Variants in GRSF1 observed in about 807,000 individuals in gnomAD.
GRSF1 encodes the protein G-rich RNA sequence binding factor 1.
In GRSF1, 50 loss-of-function variants were observed where a neutral mutation model predicts 51.1. The observed-to-expected ratio is 0.98, with a 90% CI of 0.78 to 1.24. The LOEUF is 1.24. GRSF1 is among the 50% of genes most tolerant of loss of function. GRSF1 has a pLI of 0.00. For missense variants in GRSF1, 700 were observed against 639.7 expected (o/e 1.09, Z -1.02); for synonymous variants, 293 against 253.3 (o/e 1.16, Z -1.49).
At position 70,832,273 on chromosome 4, in the gene GRSF1, A is replaced by T. The variant is rs893680564; in HGVS notation, c.814+34T>A. 11 of 1,587,452 alleles carry T rather than the reference A, an allele frequency of 6.9e-6. No homozygotes were observed. In the South Asian group the frequency reaches 7.9e-5, roughly 11 times the overall value. On this transcript the variant is annotated intron_variant, in intron 4 of 9. Coordinates refer to ENST00000254799, the MANE Select transcript of GRSF1 (RefSeq NM_002092.4). ...AAGGAGATACCAAGGGAAAAAAGAT[A>T]TGAGCTCCCAAGCATAATACAACTG...
chr4:70,829,281 T>G (rs1414009345), intron 5 of GRSF1, among the ~76,000 whole-genome samples: 3 of 151,998 alleles, frequency 2.0e-5, no homozygotes, highest in Non-Finnish European at 4.4e-5. Flanking sequence ...TGAGCACTAC[T>G]TCTTTAAAAA....
chr4:70,831,755 A>ATT (rs1733978778), intron 4 of GRSF1, 81 bp from the exon 5 acceptor site: 1 of 1,287,338 alleles, frequency 7.8e-7, no homozygotes, highest in Non-Finnish European at 1.1e-6. Context: ...TACTAATAAA[A>ATT]TTTTTATTCT....
At chr4:70,830,051 C>A (rs1337877683) in intron 5 of GRSF1, among the ~76,000 whole-genome samples, 4 of 152,114 alleles carry the variant, frequency 2.6e-5, no homozygotes, top group South Asian at 2.1e-4. Context: ...AGATACTGTA[C>A]AAGACAACTG....
In GRSF1 at chr4:70,817,082, T is replaced by C. The variant is rs1733342391; in HGVS notation, c.*3805A>G. 1 of 152,148 alleles carries C rather than the reference T, an allele frequency of 6.6e-6. No homozygotes were observed. The highest frequency in any genetic ancestry group is 2.1e-4 in the South Asian group (1 of 4,832). The allele number at this position is 152,148 out of a possible 1,614,324, so 9.4% of individuals were successfully genotyped here. A position where few individuals can be genotyped will look rare whatever the true frequency, so the allele number is the denominator to read the frequency against. On this transcript the variant is annotated 3_prime_UTR_variant, in exon 10 of 10. Transcript: ENST00000254799. Reference sequence around the variant, plus strand: ...ACTGCAAGCTTACACTAGAAACTGATAACAGGGCTGTGCGAGAATAGAAAC... The same window carrying C: ...ACTGCAAGCTTACACTAGAAACTGACAACAGGGCTGTGCGAGAATAGAAAC...
At chr4:70,827,009 C>G (rs1235214699) in intron 6 of GRSF1, among the ~76,000 whole-genome samples, 1 of 152,164 alleles carries the variant, frequency 6.6e-6, no homozygotes, top group African/African-American at 2.4e-5. Context: ...TTACTTCAGG[C>G]GGGCACAGTG....
chr4:70,836,060 T>A, intron 2 of GRSF1, 98 bp downstream of exon 2: 1 of 664,110 alleles, frequency 1.5e-6, no homozygotes, highest in Non-Finnish European at 2.4e-6. Context: ...GCACTACCTT[T>A]TACTCAGACA....
At position 70,839,753 on chromosome 4, in the gene GRSF1, G is replaced by A. The variant is rs1293662022; in HGVS notation, c.75C>T (p.Thr25=). 4 of 1,503,732 alleles carry A rather than the reference G, an allele frequency of 2.7e-6. No homozygotes were observed. Among genetic ancestry groups the A allele is most frequent in the Admixed American group, 2.1e-5 (1 of 48,140 alleles). 93.1% of individuals were successfully genotyped at this position (1,503,732 alleles called of 1,614,324 possible). A position where few individuals can be genotyped will look rare whatever the true frequency, so the allele number is the denominator to read the frequency against. ...AGTAGAAGGGCAGGCAGGCGGCGCC[G>A]GTGCGCCGGCAGCTGCTGCAGTTAC... ...CGCNCSSCRR[T]GAACLPFYSA... is the part of the protein sequence containing the mutation. The change falls in exon 1 of 10, where the codon ACC becomes ACT. Residue 25 remains threonine, a synonymous_variant. Transcript: ENST00000254799.
chr4:70,842,248 C>T (rs990622101), upstream of GRSF1, among the ~76,000 whole-genome samples: 5 of 152,144 alleles, frequency 3.3e-5, no homozygotes, highest in African/African-American at 9.7e-5. Context: ...GGTTGAGGCC[C>T]CTCTGGAAAT....
chr4:70,820,082 C>T lies in GRSF1; in HGVS notation c.*805G>A, dbSNP rs1177983800. ...CCATTAATTTTCTTACCAGTCTGGA[C>T]TGTTCTGACATGTCACTTCACAGTT... On this transcript the variant is annotated 3_prime_UTR_variant, in exon 10 of 10. Transcript: ENST00000254799. 1 of 152,336 alleles carries T rather than the reference C, an allele frequency of 6.6e-6. No individual in the cohort carries two copies. The highest frequency in any genetic ancestry group is 1.5e-5 in the Non-Finnish European group (1 of 68,036). The allele number at this position is 152,336 out of a possible 1,614,324, so 9.4% of individuals were successfully genotyped here.
intron 8 of GRSF1, 27 bp from the exon 9 acceptor site, chr4:70,824,395 T>A: frequency 8.2e-7 from 1 of 1,220,962 alleles, no homozygotes; most frequent in Non-Finnish European, 1.2e-6. Flanking sequence ...AGATTAGTTT[T>A]AAAAAGTTGA....
At chr4:70,821,074 G>C (rs926063264) in intron 9 of GRSF1, among the ~76,000 whole-genome samples, 1 of 152,160 alleles carries the variant, frequency 6.6e-6, no homozygotes, top group Non-Finnish European at 1.5e-5. Context: ...ATTTTAAATA[G>C]ATTTTAGCTA....
chr4:70,822,855 C>T (rs1405722319), intron 9 of GRSF1, among the ~76,000 whole-genome samples: 1 of 152,044 alleles, frequency 6.6e-6, no homozygotes, highest in African/African-American at 2.4e-5. Context: ...CTTTGGGAAG[C>T]CAAGGCAGGT....
upstream of GRSF1, among the ~76,000 whole-genome samples, chr4:70,843,006 C>G (rs780115133): frequency 1.1e-4 from 17 of 152,154 alleles, no homozygotes; most frequent in Non-Finnish European, 2.4e-4. Flanking sequence ...GAGACCGCAC[C>G]ACTGCACTCC....
Position 70,816,659 on chromosome 4 carries a change from G to A in GRSF1, c.*4228C>T, listed in dbSNP as rs1488412801. On this transcript the variant is annotated 3_prime_UTR_variant, in exon 10 of 10. Transcript: ENST00000254799. Reference sequence around the variant, plus strand: ...GAATTGCTTGAAACTGGGAGGTGGAGGCTGTAATGAGCTGGGATCACGTCA... The same window carrying A: ...GAATTGCTTGAAACTGGGAGGTGGAAGCTGTAATGAGCTGGGATCACGTCA... 6 of 152,246 alleles carry A rather than the reference G, an allele frequency of 3.9e-5. No homozygotes were observed. Among genetic ancestry groups the A allele is most frequent in the Admixed American group, 2.0e-4 (3 of 15,276 alleles). The allele number at this position is 152,246 out of a possible 1,614,324, so 9.4% of individuals were successfully genotyped here. A position where few individuals can be genotyped will look rare whatever the true frequency, so the allele number is the denominator to read the frequency against.
chr4:70,827,287 CA>C (rs11418022), intron 6 of GRSF1, among the ~76,000 whole-genome samples: 7 of 146,754 alleles, frequency 4.8e-5, no homozygotes, highest in African/African-American at 1.2e-4. Context: ...AACTCTGTCT[CA>C]AAAAAAAAAA....
chr4:70,838,962 C>A (rs746707819), intron 1 of GRSF1: 1 of 379,878 alleles, frequency 2.6e-6, no homozygotes, highest in Non-Finnish European at 4.9e-6. Flanking sequence ...GCGATGGGGA[C>A]AGGCTCCTTC....
intron 6 of GRSF1, among the ~76,000 whole-genome samples, chr4:70,827,243 G>A (rs1251488170): frequency 6.6e-6 from 1 of 151,080 alleles, no homozygotes; most frequent in Non-Finnish European, 1.5e-5. Flanking sequence ...AGCCGAGAGT[G>A]CGCCACTGCA....
chr4:70,825,307 C>A lies in GRSF1; in HGVS notation c.1382G>T (p.Arg461Leu). 1 of 1,604,518 alleles carries A rather than the reference C, an allele frequency of 6.2e-7. No individual in the cohort carries two copies. The highest frequency in any genetic ancestry group is 8.5e-7 in the Non-Finnish European group (1 of 1,173,368). ...EDAVAAMLKDRSHVHHRYIEL... is the reference protein window; with the variant it reads ...EDAVAAMLKDLSHVHHRYIEL... ...AAGGCAGGACTTACGAACGTGGGAC[C>A]GATCCTTGAGCATCGCTGCAACAGC... Residue 461 changes from arginine (R) to leucine (L), a missense_variant, in exon 8 of 10, where the codon CGG becomes CTG. Coordinates refer to ENST00000254799, the MANE Select transcript of GRSF1 (RefSeq NM_002092.4).
chr4:70,831,545 C>A lies in GRSF1; in HGVS notation c.944G>T (p.Gly315Val). 6.2e-7 allele frequency: 1 copy of A among 1,613,098 alleles called. No individual in the cohort carries two copies. The highest frequency in any genetic ancestry group is 8.5e-7 in the Non-Finnish European group (1 of 1,179,562). The change falls in exon 5 of 10, where the codon GGT (glycine) becomes GTT (valine). Residue 315 changes from glycine (G) to valine (V), a missense_variant. Physicochemically the swap from Gly to Val is moderately radical, Grantham distance 109. Coordinates refer to ENST00000254799, the MANE Select transcript of GRSF1 (RefSeq NM_002092.4). Reference protein sequence around the residue: ...QALLKHREEIGNRYIEIFPSR... With the variant: ...QALLKHREEIVNRYIEIFPSR... ...TAGTATCTGCTTTACTCACCGATTACCAATTTCTTCCCTGTGTTTCAACAG... is the reference window on the plus strand; with the variant it reads ...TAGTATCTGCTTTACTCACCGATTAACAATTTCTTCCCTGTGTTTCAACAG...
Sources: allele counts gnomAD v4.1 joint callset (sites outside exome capture counted in the v4.1 genomes callset), GRCh38; gene constraint gnomAD v4.1.1; transcripts MANE v1.5; gene names NCBI Gene and HGNC (gene_info 2026-07-23, HGNC 2026-07-21).